Variants in CDKL3 observed in about 807,000 individuals in gnomAD.
CDKL3 encodes cyclin-dependent kinase-like 3.
CDKL3 carries 65 observed loss-of-function variants against 69.3 expected under a neutral mutation model. That is an observed-to-expected ratio of 0.94 (90% CI 0.77 to 1.15). The LOEUF is 1.15. Ranked by LOEUF, CDKL3 falls within the 50% of genes most tolerant of loss-of-function variation. CDKL3 has a pLI of 0.00. For synonymous variants in CDKL3, 202 were observed against 221.6 expected (o/e 0.91, Z 0.79); for missense variants, 652 against 689.2 (o/e 0.95, Z 0.61).
intron 4 of CDKL3, among the ~76,000 whole-genome samples, chr5:134,324,757 A>G (rs1773689537): frequency 6.6e-6 from 1 of 152,218 alleles, no homozygotes; most frequent in South Asian, 2.1e-4. Flanking sequence ...ATTCTGTATG[A>G]TACTATAATG....
intron 8 of CDKL3, among the ~76,000 whole-genome samples, chr5:134,289,163 T>TAAAAAAAAAAAAAAAA (rs34873718): frequency 1.2e-5 from 1 of 80,310 alleles, no homozygotes; most frequent in Non-Finnish European, 2.7e-5. Context: ...CCCTGTCTCA[T>TAAAAAAAAAAAAAAAA]AAAAAAAAAA....
chr5:134,312,574 A>G (rs1313498412), intron 6 of CDKL3, among the ~76,000 whole-genome samples, 194 bp from the exon 7 acceptor site: 3 of 152,290 alleles, frequency 2.0e-5, no homozygotes, highest in Non-Finnish European at 4.4e-5. Flanking sequence ...TTGCACTTGC[A>G]AAACATTATT....
chr5:134,367,663 C>T (rs893988898), upstream of CDKL3, among the ~76,000 whole-genome samples: 3 of 152,098 alleles, frequency 2.0e-5, no homozygotes, highest in Non-Finnish European at 4.4e-5. Context: ...CGTAAGCCAC[C>T]GCCCCCGGTC....
At chr5:134,360,186 C>A in intron 2 of CDKL3, 95 bp from the exon 3 acceptor site, 1 of 858,168 alleles carries the variant, frequency 1.2e-6, no homozygotes, top group South Asian at 1.8e-5. Flanking sequence ...CAGTCATATT[C>A]TTAGCTTTGT....
At chr5:134,339,172 A>C (rs1273129244) in intron 4 of CDKL3, among the ~76,000 whole-genome samples, 1 of 152,142 alleles carries the variant, frequency 6.6e-6, no homozygotes, top group African/African-American at 2.4e-5. Flanking sequence ...ACAAAAAATA[A>C]ATAAATAAAT....
In CDKL3 at chr5:134,312,382, T is replaced by A; in HGVS notation, c.793-2A>T. On this transcript the variant is annotated splice_acceptor_variant, in intron 6 of 12. Transcript: ENST00000265334. LOFTEE classifies it high-confidence loss of function. ...AGCAGGATCAATTTGTAAACAAGCC[T>A]AGGAAAGGAAAAAGATTTTAATAAG... The A allele has an allele frequency of 6.4e-7, 1 of 1,562,972 alleles. No individual in the cohort carries two copies.
intron 6 of CDKL3, among the ~76,000 whole-genome samples, chr5:134,313,487 A>T (rs1020102065): frequency 6.6e-6 from 1 of 152,160 alleles, no homozygotes; most frequent in African/African-American, 2.4e-5. Context: ...TATCCTCATT[A>T]TACAGATGAG....
intron 4 of CDKL3, among the ~76,000 whole-genome samples, chr5:134,345,404 A>G (rs1751612387): frequency 6.6e-6 from 1 of 152,212 alleles, no homozygotes; most frequent in South Asian, 2.1e-4. Context: ...GGAAAGTATC[A>G]GAGACTACAT....
chr5:134,319,507 G>A lies in CDKL3; in HGVS notation c.653-10C>T. ...TGAGGTGACAAATTGCCTGAAAAGAGAAAAAAATGTATATTTAAAAAACAG... is the reference window on the plus strand; with the variant it reads ...TGAGGTGACAAATTGCCTGAAAAGAAAAAAAAATGTATATTTAAAAAACAG... On this transcript the variant is annotated splice_polypyrimidine_tract_variant and intron_variant, in intron 5 of 12. Coordinates refer to ENST00000265334, the MANE Select transcript of CDKL3 (RefSeq NM_001113575.2). The A allele has an allele frequency of 6.6e-7, 1 of 1,511,658 alleles. No individual in the cohort carries two copies. The highest frequency in any genetic ancestry group is 8.8e-7 in the Non-Finnish European group (1 of 1,132,774). The allele number at this position is 1,511,658 out of a possible 1,614,324, so 93.6% of individuals were successfully genotyped here. A position where few individuals can be genotyped will look rare whatever the true frequency, so the allele number is the denominator to read the frequency against.
intron 6 of CDKL3, among the ~76,000 whole-genome samples, chr5:134,318,564 C>A (rs1771823560): frequency 6.6e-6 from 1 of 152,138 alleles, no homozygotes; most frequent in South Asian, 2.1e-4. Flanking sequence ...TGGCTCACTG[C>A]AACCTCAGCC....
intron 1 of CDKL3, 113 bp from the exon 2 acceptor site, chr5:134,366,657 TAA>T (rs1171554599): frequency 1.0e-3 from 605 of 580,012 alleles, no homozygotes; most frequent in South Asian, 1.6e-3. Context: ...ATAGAGACAT[TAA>T]AAAAAAAAAA....
intron 8 of CDKL3, among the ~76,000 whole-genome samples, chr5:134,288,860 G>A (rs973448811): frequency 2.6e-5 from 4 of 152,046 alleles, no homozygotes; most frequent in African/African-American, 7.2e-5. Context: ...AAAAGCATCT[G>A]CCTTCTAACT....
At chr5:134,328,476 T>C (rs887270231) in intron 4 of CDKL3, among the ~76,000 whole-genome samples, 1 of 151,234 alleles carries the variant, frequency 6.6e-6, no homozygotes. Context: ...ACAAGACCAA[T>C]AGAAATTATG....
chr5:134,302,974 C>T (rs933399309), intron 11 of CDKL3, among the ~76,000 whole-genome samples: 2 of 151,960 alleles, frequency 1.3e-5, no homozygotes, highest in African/African-American at 4.8e-5. Flanking sequence ...TTGAACTGTA[C>T]AAGGATGATA....
At chr5:134,303,928 TA>T (rs975587894) in intron 11 of CDKL3, among the ~76,000 whole-genome samples, 17 of 148,744 alleles carry the variant, frequency 1.1e-4, no homozygotes, top group African/African-American at 2.8e-4. Flanking sequence ...TCTTTTTAAT[TA>T]AAAAAAAATT....
chr5:134,331,903 A>T (rs1775893625), intron 4 of CDKL3, among the ~76,000 whole-genome samples: 1 of 152,068 alleles, frequency 6.6e-6, no homozygotes, highest in Non-Finnish European at 1.5e-5. Flanking sequence ...GGTTGAAATA[A>T]TTTACACTCC....
chr5:134,371,386 C>G (rs1186422710), upstream of CDKL3: 22 of 688,364 alleles, frequency 3.2e-5, 1 homozygote, highest in South Asian at 3.9e-4. Context: ...CCCCTCCTCC[C>G]CCAGCACTCA....
chr5:134,303,582 G>A (rs921723326), intron 11 of CDKL3, among the ~76,000 whole-genome samples: 10 of 151,726 alleles, frequency 6.6e-5, no homozygotes, highest in African/African-American at 2.4e-4. Context: ...AATGGCTCAC[G>A]CCTGTAATCC....
chr5:134,356,537 C>A (rs1754654741), intron 3 of CDKL3, among the ~76,000 whole-genome samples: 1 of 151,966 alleles, frequency 6.6e-6, no homozygotes, highest in African/African-American at 2.4e-5. Flanking sequence ...CACTTTGGAG[C>A]CCAAGGCAGG....
Sources: allele counts gnomAD v4.1 joint callset (sites outside exome capture counted in the v4.1 genomes callset), GRCh38; gene constraint gnomAD v4.1.1; transcripts MANE v1.5; gene names NCBI Gene and HGNC (gene_info 2026-07-23, HGNC 2026-07-21).